The following SLC25A26 variants were observed in gnomAD, a reference collection of about 807,000 sequenced individuals.
SLC25A26 encodes mitochondrial S-adenosylmethionine carrier protein.
Under a neutral mutation model 37.8 loss-of-function variants are expected in SLC25A26, and 36 were observed. That is an observed-to-expected ratio of 0.95 (90% confidence interval 0.73 to 1.26). The LOEUF (loss-of-function observed/expected upper bound fraction) is 1.26, where lower values mean the gene tolerates loss of function less well. SLC25A26 is among the 50% of genes most tolerant of loss of function. SLC25A26 has a pLI of 0.00. For missense variants in SLC25A26, 390 were observed against 331.1 expected (o/e 1.18, Z -1.38); for synonymous variants, 129 against 122.5 (o/e 1.05, Z -0.35).
rs1052869654 is a variant in SLC25A26, at chr3:66,370,552, G to C, written c.657G>C (p.Gly219=). ...AGGCTGGCTCCAGCACTGCTGATGGGAATGTGCTCTCTGTCCTGCATGGGG... is the reference window on the plus strand; with the variant it reads ...AGGCTGGCTCCAGCACTGCTGATGGCAATGTGCTCTCTGTCCTGCATGGGG... ...LAKAGSSTAD[G]NVLSVLHGVW... is the part of the protein sequence containing the mutation. The change falls in exon 9 of 10, where the codon GGG becomes GGC. Residue 219 remains glycine, a synonymous_variant. Transcript: ENST00000354883. 7 of 1,613,916 alleles carry C rather than the reference G, an allele frequency of 4.3e-6. No individual in the cohort carries two copies. The highest frequency in any genetic ancestry group is 5.9e-6 in the Non-Finnish European group (7 of 1,179,862).
intron 5 of SLC25A26, among the ~76,000 whole-genome samples, chr3:66,321,453 T>A (rs1235800650): frequency 6.6e-6 from 1 of 152,174 alleles, no homozygotes; most frequent in African/African-American, 2.4e-5. Flanking sequence ...GATAGTTGGT[T>A]TGATGTTCCT....
chr3:66,209,919 T>TAC lies in SLC25A26; in HGVS notation c.-353-10822_-353-10821insCA, dbSNP rs2071260342. Among the ~76,000 whole-genome samples, 4 of 63,060 alleles carry TAC rather than the reference T, an allele frequency of 6.3e-5. 1 individual carries two copies. The highest frequency in any genetic ancestry group is 3.2e-4 in the African/African-American group (4 of 12,372). The allele number at this position is 63,060 out of a possible 152,430, so 41.4% of individuals were successfully genotyped here. A position where few individuals can be genotyped will look rare whatever the true frequency, so the allele number is the denominator to read the frequency against. On this transcript the variant is annotated intron_variant, in intron 1 of 10. Transcript: ENST00000676754. ...CTATTTATATATATATATATATATA[T>TAC]ATATATATATATATATATATATATA...
intron 6 of SLC25A26, among the ~76,000 whole-genome samples, chr3:66,354,288 G>A (rs2076526098): frequency 6.6e-6 from 1 of 152,122 alleles, no homozygotes; most frequent in Non-Finnish European, 1.5e-5. Flanking sequence ...ATAGCTAGAT[G>A]AGATGTAATC....
intron 9 of SLC25A26, among the ~76,000 whole-genome samples, chr3:66,377,089 AT>A (rs1200706829): frequency 6.6e-6 from 1 of 152,166 alleles, no homozygotes; most frequent in Non-Finnish European, 1.5e-5. Context: ...TGAATCCCCA[AT>A]TTGTATCCTC....
chr3:66,335,418 A>T (rs889889530), intron 5 of SLC25A26, among the ~76,000 whole-genome samples: 1 of 152,104 alleles, frequency 6.6e-6, no homozygotes, highest in Non-Finnish European at 1.5e-5. Context: ...TTTGTGTTTT[A>T]TCCTTTTTGT....
At chr3:66,204,443 A>AAAAG (rs2071151049) in intron 1 of SLC25A26, among the ~76,000 whole-genome samples, 1 of 147,990 alleles carries the variant, frequency 6.8e-6, no homozygotes, top group South Asian at 2.1e-4. Flanking sequence ...AAAAAAAGAA[A>AAAAG]AAAAGAAAAA....
At chr3:66,239,199 C>T (rs974998105) in intron 2 of SLC25A26, among the ~76,000 whole-genome samples, 11 of 151,918 alleles carry the variant, frequency 7.2e-5, no homozygotes, top group African/African-American at 2.4e-4. Context: ...CTGTTAATTC[C>T]TCTGGTGTGG....
At chr3:66,174,535 C>A (rs2070546676) in intron 1 of SLC25A26, among the ~76,000 whole-genome samples, 1 of 152,212 alleles carries the variant, frequency 6.6e-6, no homozygotes, top group Non-Finnish European at 1.5e-5. Context: ...AATCCCAGCA[C>A]TTCGGGAGGC....
rs1244237839 is a variant in SLC25A26 at position 66,236,669 on chromosome 3, TC to T, written c.161del (p.Pro54LeufsTer21). On this transcript the variant is annotated frameshift_variant, in exon 2 of 10. Coordinates refer to ENST00000354883, the MANE Select transcript of SLC25A26 (RefSeq NM_001379210.1). LOFTEE classifies it high-confidence loss of function. ...GGFHGIYAGV[P>X]SAAIGSFPNA... ...GTTTTCATGGAATATATGCTGGCGT[TC>T]CTTCTGCTGCTATTGGATCCTTTCC... 1 of 1,526,502 alleles carries T rather than the reference TC, an allele frequency of 6.6e-7. No homozygotes were observed. Among genetic ancestry groups the T allele is most frequent in the Admixed American group, 2.0e-5 (1 of 50,868 alleles). The allele number at this position is 1,526,502 out of a possible 1,614,324, so 94.6% of individuals were successfully genotyped here. A position where few individuals can be genotyped will look rare whatever the true frequency, so the allele number is the denominator to read the frequency against.
intron 5 of SLC25A26, among the ~76,000 whole-genome samples, chr3:66,327,492 A>G (rs527257125): frequency 6.6e-6 from 1 of 152,322 alleles, no homozygotes; most frequent in South Asian, 2.1e-4. Flanking sequence ...TATATTTGTT[A>G]ACCAGTTCTC....
At chr3:66,139,975 A>G (rs1416603741) in intron 1 of SLC25A26, among the ~76,000 whole-genome samples, 6 of 152,208 alleles carry the variant, frequency 3.9e-5, no homozygotes, top group African/African-American at 7.2e-5. Context: ...CAAAAAACCC[A>G]AAAACCTCAT....
intron 5 of SLC25A26, among the ~76,000 whole-genome samples, chr3:66,272,524 T>G (rs1298316830): frequency 6.6e-6 from 1 of 152,106 alleles, no homozygotes; most frequent in East Asian, 1.9e-4. Flanking sequence ...GAAGTGTTCA[T>G]GAAGAACTGT....
intron 9 of SLC25A26, among the ~76,000 whole-genome samples, chr3:66,371,783 T>C (rs1306750228): frequency 6.6e-6 from 1 of 152,090 alleles, no homozygotes; most frequent in East Asian, 1.9e-4. Flanking sequence ...GTCCTGAAGC[T>C]ACTTAGCCAG....
chr3:66,373,339 A>T (rs139864894), intron 9 of SLC25A26, among the ~76,000 whole-genome samples: 8 of 152,192 alleles, frequency 5.3e-5, no homozygotes, highest in Non-Finnish European at 8.8e-5. Flanking sequence ...CACTGTACAA[A>T]TTACTCCACG....
chr3:66,288,718 G>A (rs1487299182), intron 5 of SLC25A26, among the ~76,000 whole-genome samples: 2 of 152,144 alleles, frequency 1.3e-5, no homozygotes, highest in African/African-American at 4.8e-5. Context: ...TCTTTATCCA[G>A]TCTATCATTG....
At chr3:66,183,836 C>A (rs1444181758) in intron 1 of SLC25A26, among the ~76,000 whole-genome samples, 1 of 152,058 alleles carries the variant, frequency 6.6e-6, no homozygotes, top group African/African-American at 2.4e-5. Context: ...TTCATCCTCA[C>A]CCTCACCCTG....
intron 6 of SLC25A26, among the ~76,000 whole-genome samples, chr3:66,351,168 G>A (rs149938903): frequency 2.4e-4 from 36 of 152,248 alleles, no homozygotes; most frequent in Admixed American, 2.0e-4. Flanking sequence ...CTGAGAGTCC[G>A]TCAGAGTGGC....
intron 5 of SLC25A26, among the ~76,000 whole-genome samples, chr3:66,287,936 T>C (rs780483555): frequency 5.3e-5 from 8 of 152,222 alleles, no homozygotes; most frequent in Non-Finnish European, 1.0e-4. Context: ...CTCAAACGTT[T>C]GCTGTAGTTT....
At chr3:66,186,494 ACT>A (rs1355173538) in intron 1 of SLC25A26, among the ~76,000 whole-genome samples, 4 of 151,872 alleles carry the variant, frequency 2.6e-5, no homozygotes, top group Admixed American at 6.6e-5. Context: ...CCTGACCAGC[ACT>A]CTGACATTGA....
Sources: allele counts gnomAD v4.1 joint callset (sites outside exome capture counted in the v4.1 genomes callset), GRCh38; gene constraint gnomAD v4.1.1; transcripts MANE v1.5; gene names NCBI Gene and HGNC (gene_info 2026-07-23, HGNC 2026-07-21).